The following CCDC32 variants were observed in gnomAD, a reference collection of about 807,000 sequenced individuals.
CCDC32 encodes coiled-coil domain-containing protein 32.
Under a neutral mutation model 20.1 loss-of-function variants are expected in CCDC32, and 9 were observed. The observed-to-expected ratio is 0.45, with a 90% CI of 0.27 to 0.78. The LOEUF (loss-of-function observed/expected upper bound fraction) is 0.78, where lower values mean the gene tolerates loss of function less well. CCDC32 is among the 30% of genes least tolerant of loss of function. CCDC32 has a pLI of 0.16. For synonymous variants in CCDC32, 63 were observed against 79.0 expected (o/e 0.80, Z 1.07); for missense variants, 204 against 215.5 (o/e 0.95, Z 0.33).
At chr15:40,525,429 G>A (rs1394423353), downstream of CCDC32, among the ~76,000 whole-genome samples, 1 of 151,602 alleles carries the variant, frequency 6.6e-6, no homozygotes, top group African/African-American at 2.4e-5. Flanking sequence ...TCCCAAAGTG[G>A]TGGGATTACA....
At chr15:40,536,253 G>A (rs569391055), downstream of CCDC32, 1 of 152,442 alleles carries the variant, frequency 6.6e-6, no homozygotes, top group South Asian at 2.1e-4. Flanking sequence ...AATTAAGACT[G>A]TGCTCTGTTC....
chr15:40,542,412 G>T (rs184659242), intron 3 of CCDC32, among the ~76,000 whole-genome samples: 1 of 152,252 alleles, frequency 6.6e-6, no homozygotes, highest in East Asian at 1.9e-4. Flanking sequence ...CTCGATCTGA[G>T]CCTGCTCACC....
Position 40,554,292 on chromosome 15 carries a change from G to A in CCDC32, c.402-165C>T, listed in dbSNP as rs142562940. ...AAGTACAAGGATACTCCTAATGGCA[G>A]CTGTGCATCCTGGCAGCTCTGCGCA... is the stretch of plus-strand genomic sequence containing the variant. On this transcript the variant is annotated intron_variant, in intron 3 of 3. Transcript: ENST00000416810. 8.4e-4 allele frequency among the ~76,000 whole-genome samples: 128 copies of A among 152,266 alleles called. 1 individual carries two copies. The highest frequency in any genetic ancestry group is 2.7e-3 in the African/African-American group (114 of 41,546).
intron 2 of CCDC32, chr15:40,557,699 C>G (rs1890341909): frequency 5.1e-6 from 1 of 195,700 alleles, no homozygotes; most frequent in Non-Finnish European, 1.1e-5. Flanking sequence ...TGCTTGTTTT[C>G]CCTGGTTTGA....
At chr15:40,562,557 G>A (rs1016843277) in intron 2 of CCDC32, among the ~76,000 whole-genome samples, 9 of 152,114 alleles carry the variant, frequency 5.9e-5, no homozygotes, top group African/African-American at 2.2e-4. Context: ...TCCAGCCTGG[G>A]CAACAAGAGT....
intron 3 of CCDC32, among the ~76,000 whole-genome samples, chr15:40,544,538 G>A (rs1889535243): frequency 6.6e-6 from 1 of 152,094 alleles, no homozygotes; most frequent in African/African-American, 2.4e-5. Context: ...TATTATATGG[G>A]GTTGGAAAGT....
downstream of CCDC32, chr15:40,534,772 G>T: frequency 1.5e-6 from 1 of 649,726 alleles, no homozygotes; most frequent in South Asian, 1.7e-5. Flanking sequence ...CCACTCTCAT[G>T]ACCTAATTAC....
rs866850466 is a variant in CCDC32 at position 40,541,333 on chromosome 15, A to T, written c.402-1978T>A. ...CAGTGGCAAAATTCTGAGCTGTAAT[A>T]TTTTTTTTTTTTTTTTTGAGACGGA... On this transcript the variant is annotated intron_variant, in intron 3 of 3. Coordinates refer to the CCDC32 transcript ENST00000558113. Among the ~76,000 whole-genome samples the T allele has an allele frequency of 2.6e-4, 37 of 139,768 alleles. 1 individual carries two copies. Among genetic ancestry groups the T allele is most frequent in the African/African-American group, 8.3e-4 (32 of 38,370 alleles). 91.7% of individuals were successfully genotyped at this position (139,768 alleles called of 152,430 possible). A position where few individuals can be genotyped will look rare whatever the true frequency, so the allele number is the denominator to read the frequency against.
intron 2 of CCDC32, chr15:40,561,888 C>G (rs1347068248): frequency 7.2e-6 from 1 of 138,920 alleles, no homozygotes; most frequent in Non-Finnish European, 1.5e-5. Flanking sequence ...TTTCTTTTTC[C>G]CCTAGCATGG....
chr15:40,556,430 C>T (rs1188544940), intron 3 of CCDC32, among the ~76,000 whole-genome samples: 2 of 152,184 alleles, frequency 1.3e-5, no homozygotes, highest in African/African-American at 4.8e-5. Flanking sequence ...TTTAAAACTT[C>T]CTTACACCAT....
chr15:40,531,497 T>G (rs1356949173), downstream of CCDC32: 1 of 152,082 alleles, frequency 6.6e-6, no homozygotes, highest in Non-Finnish European at 1.5e-5. Flanking sequence ...CAAATTTATA[T>G]TTTTAAAAAG....
downstream of CCDC32, among the ~76,000 whole-genome samples, chr15:40,533,535 G>A (rs1055151529): frequency 7.2e-5 from 11 of 151,738 alleles, no homozygotes; most frequent in Non-Finnish European, 1.3e-4. Flanking sequence ...TAGTAGAGAC[G>A]GAGTTTCACC....
chr15:40,535,837 C>G (rs1019879183), downstream of CCDC32: 4 of 198,154 alleles, frequency 2.0e-5, no homozygotes, highest in African/African-American at 9.5e-5. Flanking sequence ...GGGGCCTAGC[C>G]TTTGCCTTCC....
downstream of CCDC32, among the ~76,000 whole-genome samples, chr15:40,525,172 C>T (rs1894885688): frequency 6.6e-6 from 1 of 152,146 alleles, no homozygotes; most frequent in Non-Finnish European, 1.5e-5. Flanking sequence ...GGATTACAGG[C>T]GCCTGCCACT....
In CCDC32 at chr15:40,561,404, C is replaced by T. The variant is rs149680946; in HGVS notation, c.244+1368G>A. Reference sequence around the variant, plus strand: ...AGCAGAATTGCTTGAACCCGTGAGGCGGAGGTTGCAGTGAGTCGAGATCGT... The same window carrying T: ...AGCAGAATTGCTTGAACCCGTGAGGTGGAGGTTGCAGTGAGTCGAGATCGT... On this transcript the variant is annotated intron_variant, in intron 2 of 3. Transcript: ENST00000416810. Among the ~76,000 whole-genome samples, 173 of 150,582 alleles carry T rather than the reference C, an allele frequency of 1.1e-3. 1 individual carries two copies. The highest frequency in any genetic ancestry group is 3.4e-3 in the Middle Eastern group (1 of 292).
intron 2 of CCDC32, among the ~76,000 whole-genome samples, chr15:40,561,481 A>AC (rs1387008443): frequency 6.6e-6 from 1 of 151,408 alleles, no homozygotes; most frequent in East Asian, 1.9e-4. Context: ...TCAAAAAAAA[A>AC]AAACAAAACA....
intron 2 of CCDC32, among the ~76,000 whole-genome samples, chr15:40,561,334 G>A (rs1195963202): frequency 1.3e-5 from 2 of 152,088 alleles, no homozygotes; most frequent in African/African-American, 2.4e-5. Flanking sequence ...TGAGCCAGGC[G>A]TGGTGGTGGG....
exon 4 of CCDC32, chr15:40,539,334 A>G (rs1339125539): frequency 1.3e-6 from 2 of 1,535,500 alleles, no homozygotes; most frequent in Non-Finnish European, 1.7e-6. Context: ...TGCTGCTGCC[A>G]GGGGTTCTGG....
chr15:40,554,098 T>G lies in CCDC32; in HGVS notation c.431A>C (p.Gln144Pro). Residue 144 changes from glutamine to proline, a missense_variant, in exon 4 of 4, where the codon CAG becomes CCG. By Grantham distance (76) the Gln-to-Pro change is moderately conservative. Transcript: ENST00000416810. ...TGTGCTGACGGCTACTTTATCTGGC[T>G]GGAGCCACCTCTTGAAATGTTCCAA... The part of the protein sequence containing the change: ...STLEHFKRWL[Q>P]PDKVAVSTEE... 6.2e-7 allele frequency: 1 copy of G among 1,614,088 alleles called. No individual in the cohort carries two copies. Among genetic ancestry groups the G allele is most frequent in the South Asian group, 1.1e-5 (1 of 91,078 alleles).
Sources: allele counts gnomAD v4.1 joint callset (sites outside exome capture counted in the v4.1 genomes callset), GRCh38; gene constraint gnomAD v4.1.1; transcripts MANE v1.5; gene names NCBI Gene and HGNC (gene_info 2026-07-23, HGNC 2026-07-21).